The following ACAP1 variants were observed in gnomAD, a reference collection of about 807,000 sequenced individuals.
ACAP1 encodes the protein arf-GAP with coiled-coil, ANK repeat and PH domain-containing protein 1.
A neutral mutation model predicts 98.8 loss-of-function variants in ACAP1; 45 were observed. The observed-to-expected ratio is 0.46, with a 90% CI of 0.36 to 0.58. The LOEUF is 0.58. Among genes scored for constraint, ACAP1 ranks in the 20% least tolerant of loss-of-function variants. The pLI is 0.00. For missense variants in ACAP1, 735 were observed against 971.4 expected (o/e 0.76, Z 3.24); for synonymous variants, 362 against 375.3 (o/e 0.96, Z 0.41).
Position 7,347,185 on chromosome 17 carries a change from A to C in ACAP1, c.1286A>C (p.Glu429Ala). Residue 429 changes from glutamate to alanine, a missense_variant, in exon 14 of 22, where the codon GAG becomes GCG. Glu to Ala is a moderately radical substitution (Grantham distance 107). This residue lies in a region of ACAP1 where 81 missense variants were observed against 132.0 expected (regional missense o/e 0.61). Coordinates refer to ENST00000158762, the MANE Select transcript of ACAP1 (RefSeq NM_014716.4). ...QCCDCREPAP[E>A]WASINLGVTL... The stretch of plus-strand genomic sequence containing the variant: ...TGCGACTGCCGGGAGCCAGCCCCGG[A>C]GTGGGCCAGCATCAACCTTGGTGTC... 1 of 1,614,060 alleles carries C rather than the reference A, an allele frequency of 6.2e-7. No homozygotes were observed. Among genetic ancestry groups the C allele is most frequent in the South Asian group, 1.1e-5 (1 of 91,082 alleles).
intron 2 of ACAP1, among the ~76,000 whole-genome samples, chr17:7,340,302 T>C (rs961334873): frequency 1.3e-5 from 2 of 152,172 alleles, no homozygotes; most frequent in African/African-American, 4.8e-5. Flanking sequence ...AGATGAATGC[T>C]CTTGAAGTTT....
chr17:7,346,328 C>T (rs2073345854), intron 11 of ACAP1, 33 bp downstream of exon 11: 2 of 1,614,076 alleles, frequency 1.2e-6, no homozygotes, highest in African/African-American at 1.3e-5. Context: ...TGCCTGGGCC[C>T]CAGGGAGACT....
At position 7,343,396 on chromosome 17, in the gene ACAP1, G is replaced by A. The variant is rs184747187; in HGVS notation, c.362G>A (p.Arg121Gln). The change falls in exon 6 of 22, where the codon CGA becomes CAA. Residue 121 changes from arginine to glutamine, a missense_variant. Arg to Gln is a conservative substitution (Grantham distance 43). Coordinates refer to ENST00000158762, the MANE Select transcript of ACAP1 (RefSeq NM_014716.4). This position sits in a 1 kb window ranked among gnomAD's most constrained non-coding sequence, Gnocchi z 4.9. ...ATCCTCAGAGGTCTGCGGGGTTTCC[G>A]AGAGGCTCGCCGGGATTTCTGGCGG... Reference protein sequence around the residue: ...TLVKEGLRGFREARRDFWRGA... With the variant: ...TLVKEGLRGFQEARRDFWRGA... The A allele has an allele frequency of 1.1e-5, 18 of 1,613,238 alleles. No individual in the cohort carries two copies. The African/African-American group carries it at 1.2e-4, about 11-fold the overall frequency.
chr17:7,346,658 G>C, intron 12 of ACAP1, 150 bp from the exon 13 acceptor site: 1 of 1,135,410 alleles, frequency 8.8e-7, no homozygotes, highest in Non-Finnish European at 1.3e-6. Flanking sequence ...GGTGATGGGG[G>C]ATATTTAGGA....
intron 5 of ACAP1, 28 bp downstream of exon 5, chr17:7,342,502 A>G (rs771820240): frequency 9.3e-6 from 15 of 1,612,078 alleles, no homozygotes; most frequent in Non-Finnish European, 1.3e-5. Flanking sequence ...GCAGTGGCTC[A>G]TGCCTGTAAT....
At chr17:7,351,207 G>A (rs2073406608) in intron 21 of ACAP1, 88 bp from the exon 22 acceptor site, 1 of 1,232,730 alleles carries the variant, frequency 8.1e-7, no homozygotes, top group Non-Finnish European at 1.1e-6. Flanking sequence ...GGCTCGGAGC[G>A]CGAGGTCCCC....
rs2073408978 is a variant in ACAP1, at chr17:7,351,409, G to A, written c.*14G>A. The A allele has an allele frequency of 3.1e-6, 5 of 1,594,522 alleles. No homozygotes were observed. In the East Asian group the frequency reaches 9.1e-5, roughly 29 times the overall value. On this transcript the variant is annotated 3_prime_UTR_variant, in exon 22 of 22. Transcript: ENST00000158762. ...CACACGCTGTGACCCGAGGCCCACG[G>A]GGCCCGCGCCTGCCTCCCTTCCCCG...
At position 7,343,401 on chromosome 17, in the gene ACAP1, G is replaced by T; in HGVS notation, c.367G>T (p.Ala123Ser). 2 of 1,613,352 alleles carry T rather than the reference G, an allele frequency of 1.2e-6. No individual in the cohort carries two copies. The highest frequency in any genetic ancestry group is 4.5e-5 in the East Asian group (2 of 44,874). The stretch of plus-strand genomic sequence containing the variant: ...CAGAGGTCTGCGGGGTTTCCGAGAG[G>T]CTCGCCGGGATTTCTGGCGGGGGGC... ...VKEGLRGFRE[A>S]RRDFWRGAES... Residue 123 changes from alanine to serine, a missense_variant, in exon 6 of 22, where the codon GCT (alanine) becomes TCT (serine). Ala to Ser is a moderately conservative substitution (Grantham distance 99). Transcript: ENST00000158762. This position sits in a 1 kb window ranked among gnomAD's most constrained non-coding sequence, Gnocchi z 4.9.
Position 7,336,714 on chromosome 17 carries a change from C to A in ACAP1, c.-21C>A, listed in dbSNP as rs2073222947. The A allele has an allele frequency of 1.2e-6, 2 of 1,613,732 alleles. No homozygotes were observed. Among genetic ancestry groups the A allele is most frequent in the Admixed American group, 1.7e-5 (1 of 60,014 alleles). On this transcript the variant is annotated 5_prime_UTR_variant, in exon 1 of 22. Transcript: ENST00000158762. ...GGGCCCGGCCTCCAGGGCCCGCTGGCCCCACAGCAGGCAAGCTGAGATGAC... is the reference window on the plus strand; with the variant it reads ...GGGCCCGGCCTCCAGGGCCCGCTGGACCCACAGCAGGCAAGCTGAGATGAC...
rs35927903 is a variant in ACAP1 at position 7,350,611 on chromosome 17, C to CTTTTTT, written c.2073-329_2073-324dup. The CTTTTTT allele has an allele frequency of 3.9e-6, 1 of 257,956 alleles. No individual in the cohort carries two copies. Among genetic ancestry groups the CTTTTTT allele is most frequent in the Non-Finnish European group, 7.4e-6 (1 of 135,644 alleles). 16.0% of individuals were successfully genotyped at this position (257,956 alleles called of 1,614,324 possible). A position where few individuals can be genotyped will look rare whatever the true frequency, so the allele number is the denominator to read the frequency against. On this transcript the variant is annotated intron_variant, in intron 20 of 21. Coordinates refer to ENST00000158762, the MANE Select transcript of ACAP1 (RefSeq NM_014716.4). This position sits in a 1 kb window ranked among gnomAD's most constrained non-coding sequence, Gnocchi z 4.6. ...AAGTTGTGGGGGAGGTGAGGATAGTCTTTTTTTTTTTTTTTGAGACGGAGT... is the reference window on the plus strand; with the variant it reads ...AAGTTGTGGGGGAGGTGAGGATAGTCTTTTTTTTTTTTTTTTTTTTTGAGACGGAGT...
intron 2 of ACAP1, among the ~76,000 whole-genome samples, chr17:7,339,380 G>A (rs937888468): frequency 6.6e-6 from 1 of 152,156 alleles, no homozygotes; most frequent in Non-Finnish European, 1.5e-5. Flanking sequence ...GTAGGCTGCG[G>A]CAGGTGGATC....
chr17:7,337,975 C>T (rs984790829), intron 2 of ACAP1, among the ~76,000 whole-genome samples: 1 of 152,172 alleles, frequency 6.6e-6, no homozygotes, highest in Admixed American at 6.5e-5. Flanking sequence ...CAAAGGCTGA[C>T]TAGAAGACAA....
At chr17:7,346,071 C>A (rs1319236171) in intron 10 of ACAP1, 173 bp from the exon 11 acceptor site, 4 of 681,664 alleles carry the variant, frequency 5.9e-6, no homozygotes, top group Non-Finnish European at 1.1e-5. Context: ...GGAATAGCAT[C>A]CTTTAGATGT....
intron 15 of ACAP1, 60 bp from the exon 16 acceptor site, chr17:7,348,067 C>T: frequency 6.2e-7 from 1 of 1,609,482 alleles, no homozygotes; most frequent in East Asian, 2.2e-5. Context: ...GGGGCGTGAT[C>T]CCTGAGGAGT....
chr17:7,350,102 G>T lies in ACAP1; in HGVS notation c.1962-25G>T. On this transcript the variant is annotated intron_variant, in intron 19 of 21. Transcript: ENST00000158762. This position sits in a 1 kb window ranked among gnomAD's most constrained non-coding sequence, Gnocchi z 4.6. ...GAAGGCTGGGAGAAGTTGGGCGGCC[G>T]GCTGACCCTGGCTCTTCTCTCCAGG... 3 of 1,613,504 alleles carry T rather than the reference G, an allele frequency of 1.9e-6. No individual in the cohort carries two copies. The highest frequency in any genetic ancestry group is 2.5e-6 in the Non-Finnish European group (3 of 1,179,502).
At position 7,343,953 on chromosome 17, in the gene ACAP1, C is replaced by A; in HGVS notation, c.666C>A (p.Ala222=). The stretch of plus-strand genomic sequence containing the variant: ...CCCAGTATCGAAAGGAGCTGGGCGC[C>A]CAGGTGGGGCCCCAGGGCACAGCAG... ...RLSQYRKELG[A]QLHQLVLNSA... The change falls in exon 8 of 22, where the codon GCC becomes GCA. Residue 222 remains alanine, a synonymous_variant. Coordinates refer to ENST00000158762, the MANE Select transcript of ACAP1 (RefSeq NM_014716.4). The surrounding 1 kb of genome is among the most constrained non-coding windows in gnomAD (Gnocchi z 4.9). The A allele has an allele frequency of 1.3e-6, 2 of 1,586,736 alleles. No individual in the cohort carries two copies. Among genetic ancestry groups the A allele is most frequent in the South Asian group, 2.3e-5 (2 of 88,850 alleles).
In ACAP1 at chr17:7,350,572, G is replaced by A. The variant is rs1482536120; in HGVS notation, c.2072+335G>A. ...GGGCAGATGAACGGAACGCAACCCA[G>A]CTCAAAGGATGGGAAGTTGTGGGGG... On this transcript the variant is annotated intron_variant, in intron 20 of 21. Transcript: ENST00000158762. This position sits in a 1 kb window ranked among gnomAD's most constrained non-coding sequence, Gnocchi z 4.6. 3 of 439,946 alleles carry A rather than the reference G, an allele frequency of 6.8e-6. No homozygotes were observed. In the South Asian group the frequency reaches 8.1e-5, roughly 12 times the overall value. 27.3% of individuals were successfully genotyped at this position (439,946 alleles called of 1,614,324 possible). A position where few individuals can be genotyped will look rare whatever the true frequency, so the allele number is the denominator to read the frequency against.
At chr17:7,341,806 G>A (rs996882206) in intron 2 of ACAP1, 142 bp from the exon 3 acceptor site, 2 of 1,188,212 alleles carry the variant, frequency 1.7e-6, no homozygotes, top group East Asian at 4.8e-5. Flanking sequence ...GGGAGAGCTG[G>A]ATGAGCCTGG....
chr17:7,339,680 T>G (rs1223693359), intron 2 of ACAP1, among the ~76,000 whole-genome samples: 1 of 152,104 alleles, frequency 6.6e-6, no homozygotes, highest in Admixed American at 6.6e-5. Flanking sequence ...ACTCTATAGA[T>G]CCTACTTTGA....
Sources: allele counts gnomAD v4.1 joint callset (sites outside exome capture counted in the v4.1 genomes callset), GRCh38; gene constraint gnomAD v4.1.1; regional missense constraint gnomAD v4.1.1; non-coding constraint Gnocchi (gnomAD v3.1); transcripts MANE v1.5; gene names NCBI Gene and HGNC (gene_info 2026-07-23, HGNC 2026-07-21).